The following MTSS1 variants were observed in gnomAD, a reference collection of about 807,000 sequenced individuals.
MTSS1 encodes the protein protein MTSS 1.
In MTSS1, 18 loss-of-function variants were observed where a neutral mutation model predicts 79.0. The ratio of observed to expected loss-of-function variants is 0.23; its 90% CI spans 0.16 to 0.34. The LOEUF (loss-of-function observed/expected upper bound fraction) is 0.34, where lower values mean the gene tolerates loss of function less well. MTSS1 is among the 10% of genes least tolerant of loss of function. MTSS1 has a pLI of 1.00. For synonymous variants in MTSS1, 341 were observed against 368.6 expected, an observed-to-expected ratio of 0.93 and a Z score of 0.86; for missense variants, 815 against 986.2, an observed-to-expected ratio of 0.83 and a Z score of 2.33.
rs151208871 is a variant in MTSS1 at position 124,582,089 on chromosome 8, G to T, written c.460+2998C>A. On this transcript the variant is annotated intron_variant, in intron 6 of 13. Transcript: ENST00000518547. This position sits in a 1 kb window ranked among gnomAD's most constrained non-coding sequence, Gnocchi z 4.8. ...CTCTGCCCCGTGCTCTTGACCCTGT[G>T]CACGAGCCCAGAATTTCTCTGAGGG... Among the ~76,000 whole-genome samples the T allele has an allele frequency of 6.6e-6, 1 of 152,248 alleles. No individual in the cohort carries two copies. Among genetic ancestry groups the T allele is most frequent in the Non-Finnish European group, 1.5e-5 (1 of 68,018 alleles).
At chr8:124,616,392 A>T (rs1836867285) in intron 3 of MTSS1, among the ~76,000 whole-genome samples, 1 of 142,716 alleles carries the variant, frequency 7.0e-6, no homozygotes, top group Non-Finnish European at 1.5e-5. Context: ...AAAAAAAAAA[A>T]AAATCAGCTT....
chr8:124,607,296 C>T (rs546830430), intron 3 of MTSS1, among the ~76,000 whole-genome samples: 1 of 152,304 alleles, frequency 6.6e-6, no homozygotes, highest in African/African-American at 2.4e-5. Context: ...GGATACAGGC[C>T]AGGGACAGAG....
intron 1 of MTSS1, among the ~76,000 whole-genome samples, chr8:124,711,690 T>G (rs1382767695): frequency 2.0e-5 from 3 of 152,088 alleles, no homozygotes; most frequent in Middle Eastern, 6.8e-3. Context: ...CTGGAAATGG[T>G]CAGGACCCCC....
intron 3 of MTSS1, among the ~76,000 whole-genome samples, chr8:124,655,643 A>G (rs1820803262): frequency 6.6e-6 from 1 of 152,252 alleles, no homozygotes; most frequent in Non-Finnish European, 1.5e-5. Flanking sequence ...TCTTACAGCC[A>G]CACCCATAAT....
intron 3 of MTSS1, among the ~76,000 whole-genome samples, chr8:124,606,596 G>A (rs761221142): frequency 4.2e-4 from 64 of 152,140 alleles, no homozygotes; most frequent in Non-Finnish European, 2.6e-4. Context: ...ATTCTTGGGG[G>A]CATCTCACTG....
In MTSS1 at chr8:124,727,810, G is replaced by A. The variant is rs1833959800; in HGVS notation, c.72+74C>T. The A allele has an allele frequency of 7.5e-7, 1 of 1,334,252 alleles. No individual in the cohort carries two copies. Among genetic ancestry groups the A allele is most frequent in the Non-Finnish European group, 9.9e-7 (1 of 1,012,450 alleles). The allele number at this position is 1,334,252 out of a possible 1,614,324, so 82.7% of individuals were successfully genotyped here. A position where few individuals can be genotyped will look rare whatever the true frequency, so the allele number is the denominator to read the frequency against. On this transcript the variant is annotated intron_variant, in intron 1 of 13. Coordinates refer to ENST00000518547, the MANE Select transcript of MTSS1 (RefSeq NM_014751.6). The surrounding 1 kb of genome is among the most constrained non-coding windows in gnomAD (Gnocchi z 4.7). Reference sequence around the variant, plus strand: ...CAGGGAAGGGCCGGGTGCCCGGCCCGGGGTGGAGGCGAAGCGCGGCGGCGA... The same window carrying A: ...CAGGGAAGGGCCGGGTGCCCGGCCCAGGGTGGAGGCGAAGCGCGGCGGCGA...
intron 1 of MTSS1, among the ~76,000 whole-genome samples, chr8:124,713,519 G>A (rs148572058): frequency 1.3e-4 from 20 of 152,300 alleles, no homozygotes; most frequent in African/African-American, 4.8e-4. Context: ...CGACTATGAG[G>A]TTCAAGAGAT....
At chr8:124,596,699 G>A (rs1048146138) in intron 3 of MTSS1, among the ~76,000 whole-genome samples, 2 of 152,160 alleles carry the variant, frequency 1.3e-5, no homozygotes, top group Non-Finnish European at 2.9e-5. Context: ...TCCAGATGTC[G>A]GCAGGGCCGT....
At chr8:124,591,000 G>A in intron 4 of MTSS1, 151 bp downstream of exon 4, 5 of 670,570 alleles carry the variant, frequency 7.5e-6, no homozygotes, top group South Asian at 5.3e-5. Flanking sequence ...CCAGTGCCTG[G>A]TATGCAGCAG....
intron 3 of MTSS1, 54 bp from the exon 4 acceptor site, chr8:124,591,289 G>T: frequency 7.1e-7 from 1 of 1,412,554 alleles, no homozygotes. Context: ...AGGGATCATG[G>T]AGGTCTTTAG....
At chr8:124,628,067 T>C (rs1815094262) in intron 3 of MTSS1, among the ~76,000 whole-genome samples, 1 of 152,142 alleles carries the variant, frequency 6.6e-6, no homozygotes. Context: ...CTCAGGTGGC[T>C]GAGGCAGGAA....
chr8:124,640,836 C>T lies in MTSS1; in HGVS notation c.209-49601G>A, dbSNP rs192481333. On this transcript the variant is annotated intron_variant, in intron 3 of 13. Coordinates refer to ENST00000518547, the MANE Select transcript of MTSS1 (RefSeq NM_014751.6). ...AGATAACAGGCGTGAGCCACCGTGC[C>T]CGGCCTCAACCCTTCTAGATTTTAC... is the stretch of plus-strand genomic sequence containing the variant. Among the ~76,000 whole-genome samples, 17 of 152,228 alleles carry T rather than the reference C, an allele frequency of 1.1e-4. No homozygotes were observed. In the East Asian group the frequency reaches 3.3e-3, roughly 29 times the overall value.
At chr8:124,587,382 C>T (rs1011288288) in intron 5 of MTSS1, among the ~76,000 whole-genome samples, 1 of 152,222 alleles carries the variant, frequency 6.6e-6, no homozygotes, top group Non-Finnish European at 1.5e-5. Context: ...ATGGATAAAT[C>T]CCGTGAGCCT....
At chr8:124,684,669 C>T (rs1826669715) in intron 3 of MTSS1, among the ~76,000 whole-genome samples, 1 of 152,194 alleles carries the variant, frequency 6.6e-6, no homozygotes, top group African/African-American at 2.4e-5. Context: ...CGGGTTCCAT[C>T]ACTGGCCCCA....
chr8:124,701,295 A>C (rs1160548066), intron 2 of MTSS1, among the ~76,000 whole-genome samples: 1 of 152,208 alleles, frequency 6.6e-6, no homozygotes, highest in Non-Finnish European at 1.5e-5. Context: ...TTTAAACATC[A>C]GCAACAGTAG....
At chr8:124,647,353 A>T (rs1819181544) in intron 3 of MTSS1, among the ~76,000 whole-genome samples, 1 of 152,226 alleles carries the variant, frequency 6.6e-6, no homozygotes. Flanking sequence ...TATTAAGGGT[A>T]TAGCTGAGAA....
intron 3 of MTSS1, among the ~76,000 whole-genome samples, chr8:124,628,661 A>G (rs758774261): frequency 1.6e-4 from 24 of 146,044 alleles, no homozygotes; most frequent in Non-Finnish European, 7.5e-5. Context: ...CTAACATCTA[A>G]TTATAGGCAT....
chr8:124,660,684 A>G lies in MTSS1; in HGVS notation c.208+38842T>C, dbSNP rs375139900. Among the ~76,000 whole-genome samples the G allele has an allele frequency of 1.2e-3, 182 of 152,334 alleles. 1 individual carries two copies. In the South Asian group the frequency reaches 0.024, roughly 20 times the overall value. On this transcript the variant is annotated intron_variant, in intron 3 of 13. Transcript: ENST00000518547. ...TAGTGGAGGAATCAGAGCAGCCACA[A>G]TATTTCTACGAAGCTTGTTCTAAAT...
intron 3 of MTSS1, among the ~76,000 whole-genome samples, chr8:124,666,376 G>A (rs540405041): frequency 6.6e-6 from 1 of 152,360 alleles, no homozygotes; most frequent in Admixed American, 6.5e-5. Flanking sequence ...TTCTGGTAAT[G>A]TGCTGTACAA....
Sources: gnomAD v4.1 joint callset for allele counts (sites outside exome capture counted in the v4.1 genomes callset) on GRCh38, gnomAD v4.1.1 for gene constraint, Gnocchi (gnomAD v3.1) non-coding constraint, MANE v1.5 for transcripts, NCBI Gene and HGNC (gene_info 2026-07-23, HGNC 2026-07-21) for gene names.